LAMB4: variants seen among roughly 807,000 people sequenced by gnomAD.
LAMB4 encodes the protein laminin subunit beta 4.
In LAMB4, 196 loss-of-function variants were observed where a neutral mutation model predicts 199.2. That is an observed-to-expected ratio of 0.98 (90% CI 0.88 to 1.11). The LOEUF (loss-of-function observed/expected upper bound fraction) is 1.11, where lower values mean the gene tolerates loss of function less well. Among genes scored for constraint, LAMB4 ranks in the 50% least tolerant of loss-of-function variants. The pLI, the probability that LAMB4 is intolerant of heterozygous loss-of-function variation, is 0.00. For synonymous variants in LAMB4, 744 were observed against 770.6 expected (o/e 0.97, Z 0.57); for missense variants, 2,080 against 2,171.2 (o/e 0.96, Z 0.83).
intron 17 of LAMB4, among the ~76,000 whole-genome samples, chr7:108,072,797 A>G (rs1185562280): frequency 6.6e-6 from 1 of 152,178 alleles, no homozygotes; most frequent in Non-Finnish European, 1.5e-5. Flanking sequence ...TTACAGGTCT[A>G]CTACTGTATT....
At chr7:108,020,760 T>G (rs1359073296), downstream of LAMB4, among the ~76,000 whole-genome samples, 1 of 152,212 alleles carries the variant, frequency 6.6e-6, no homozygotes, top group Non-Finnish European at 1.5e-5. Context: ...TTCCTTTTTG[T>G]ACCTGTGACT....
chr7:108,064,700 C>G lies in LAMB4; in HGVS notation c.2837-715G>C, dbSNP rs141593334. On this transcript the variant is annotated intron_variant, in intron 21 of 33. Transcript: ENST00000388781. Reference sequence around the variant, plus strand: ...AAACCATGCATTGGGAAAGAGGCTGCAAGGGAAGAGGTGAGAATTAACTGT... The same window carrying G: ...AAACCATGCATTGGGAAAGAGGCTGGAAGGGAAGAGGTGAGAATTAACTGT... Among the ~76,000 whole-genome samples the G allele has an allele frequency of 1.4e-4, 21 of 152,094 alleles. No individual in the cohort carries two copies. The East Asian group carries it at 4.1e-3, about 29-fold the overall frequency.
chr7:108,103,636 G>A (rs1264524260), intron 9 of LAMB4, among the ~76,000 whole-genome samples: 4 of 152,196 alleles, frequency 2.6e-5, no homozygotes, highest in African/African-American at 7.2e-5. Context: ...TAGAGAAGAC[G>A]GCAGAGGAAA....
At chr7:108,020,202 A>G (rs549636548), downstream of LAMB4, among the ~76,000 whole-genome samples, 1 of 152,234 alleles carries the variant, frequency 6.6e-6, no homozygotes, top group Non-Finnish European at 1.5e-5. Context: ...TAAGAAAATG[A>G]TTAGATTGAT....
At position 108,055,645 on chromosome 7, in the gene LAMB4, G is replaced by A; in HGVS notation, c.3742C>T (p.His1248Tyr). ...SGKFLKVKDY[H>Y]DSVRRQIMQL... is the part of the protein sequence containing the mutation. ...CATAAATCTTACCTAACAGAGTCAT[G>A]ATAATCCTTGACTTTTAAGAATTTC... is the stretch of plus-strand genomic sequence containing the variant. Residue 1248 changes from histidine (H) to tyrosine (Y), a missense_variant, in exon 25 of 34, where the codon CAT (histidine) becomes TAT (tyrosine). Transcript: ENST00000388781. The A allele has an allele frequency of 4.3e-6, 7 of 1,613,240 alleles. No homozygotes were observed. Among genetic ancestry groups the A allele is most frequent in the Non-Finnish European group, 4.2e-6 (5 of 1,179,768 alleles).
rs767233569 is a variant in LAMB4, at chr7:108,057,885, C to T, written c.3326G>A (p.Arg1109His). 1.2e-5 allele frequency: 20 copies of T among 1,613,358 alleles called. No homozygotes were observed. The Middle Eastern group carries it at 6.6e-4, about 53-fold the overall frequency. The change falls in exon 24 of 34, where the codon CGT becomes CAT. Residue 1109 changes from arginine (R) to histidine (H), a missense_variant. Arg to His is a conservative substitution (Grantham distance 29). Transcript: ENST00000388781. Reference protein sequence around the residue: ...CPCKLGYGGKRCSECQENYYG... With the variant: ...CPCKLGYGGKHCSECQENYYG... Reference sequence around the variant, plus strand: ...ATAATTTTCCTGGCACTCACTGCAACGTTTCCCGCCGTAACCTAATTTACA... The same window carrying T: ...ATAATTTTCCTGGCACTCACTGCAATGTTTCCCGCCGTAACCTAATTTACA...
chr7:108,071,125 T>C (rs1563065668), intron 17 of LAMB4, among the ~76,000 whole-genome samples: 1 of 146,426 alleles, frequency 6.8e-6, no homozygotes, highest in Non-Finnish European at 1.5e-5. Context: ...TTAAATGTGC[T>C]CAAGTCTCTC....
the LAMB4 span, among the ~76,000 whole-genome samples, chr7:108,016,820 G>A: frequency 1.3e-5 from 2 of 152,156 alleles, no homozygotes; most frequent in Non-Finnish European, 2.9e-5. Context: ...AGTCTTCACT[G>A]TAAGGAAATA....
intron 18 of LAMB4, among the ~76,000 whole-genome samples, chr7:108,068,981 C>T (rs573231078): frequency 1.3e-5 from 2 of 152,162 alleles, no homozygotes; most frequent in South Asian, 2.1e-4. Context: ...CCACCATGCC[C>T]GGTCCCCCTT....
chr7:108,090,880 G>A (rs1209912288), intron 14 of LAMB4, among the ~76,000 whole-genome samples: 1 of 152,006 alleles, frequency 6.6e-6, no homozygotes, highest in African/African-American at 2.4e-5. Context: ...TCCTGCTATG[G>A]TCTTGATCCT....
chr7:108,096,293 A>C (rs1280788951), intron 11 of LAMB4, among the ~76,000 whole-genome samples: 1 of 152,136 alleles, frequency 6.6e-6, no homozygotes, highest in South Asian at 2.1e-4. Context: ...TACTTTGCAT[A>C]ATGTTCTTAA....
intron 2 of LAMB4, 136 bp from the exon 3 acceptor site, chr7:108,116,297 T>A: frequency 2.4e-6 from 2 of 823,478 alleles, no homozygotes; most frequent in Non-Finnish European, 3.5e-6. Context: ...TTAAGTTTAT[T>A]AATAGATGAC....
chr7:108,060,536 G>T (rs1000643763), intron 23 of LAMB4, among the ~76,000 whole-genome samples: 1 of 152,196 alleles, frequency 6.6e-6, no homozygotes, highest in Non-Finnish European at 1.5e-5. Context: ...CTGATTCTAG[G>T]ACTGGGGCAG....
intron 1 of LAMB4, among the ~76,000 whole-genome samples, chr7:108,126,303 G>A (rs537263843): frequency 6.6e-6 from 1 of 152,130 alleles, no homozygotes; most frequent in East Asian, 1.9e-4. Context: ...TTTACATTGT[G>A]TGCAACCGAT....
chr7:108,075,604 A>G (rs995057542), intron 17 of LAMB4: 1 of 152,248 alleles, frequency 6.6e-6, no homozygotes, highest in Non-Finnish European at 1.5e-5. Flanking sequence ...ACACAATTCT[A>G]TATAATTCTG....
chr7:108,011,714 C>T, the LAMB4 span, among the ~76,000 whole-genome samples: 16 of 151,924 alleles, frequency 1.1e-4, no homozygotes, highest in Non-Finnish European at 2.1e-4. Context: ...CCACTGCACT[C>T]GGCCCACTCT....
chr7:108,043,733 A>C lies in LAMB4; in HGVS notation c.4471+19T>G. The stretch of plus-strand genomic sequence containing the variant: ...GGGAAAAAAACAAAAACTAGTCCTA[A>C]TATATATTTTTAAATTACCTAACAA... On this transcript the variant is annotated intron_variant, in intron 29 of 33. Coordinates refer to ENST00000388781, the MANE Select transcript of LAMB4 (RefSeq NM_007356.3). 6.7e-7 allele frequency: 1 copy of C among 1,490,174 alleles called. No homozygotes were observed. Among genetic ancestry groups the C allele is most frequent in the Non-Finnish European group, 9.2e-7 (1 of 1,087,198 alleles). 92.3% of individuals were successfully genotyped at this position (1,490,174 alleles called of 1,614,324 possible).
intron 31 of LAMB4, 63 bp from the exon 32 acceptor site, chr7:108,031,042 G>A (rs1037838144): frequency 2.7e-6 from 4 of 1,455,390 alleles, no homozygotes; most frequent in Admixed American, 1.8e-5. Flanking sequence ...GAAGATAAAC[G>A]ATATATTAAC....
chr7:108,013,956 A>T, the LAMB4 span, among the ~76,000 whole-genome samples: 1 of 152,172 alleles, frequency 6.6e-6, no homozygotes, highest in African/African-American at 2.4e-5. Context: ...GATTCCAATG[A>T]CAAAAAAGTA....
Sources: allele counts gnomAD v4.1 joint callset (sites outside exome capture counted in the v4.1 genomes callset), GRCh38; gene constraint gnomAD v4.1.1; transcripts MANE v1.5; gene names NCBI Gene and HGNC (gene_info 2026-07-23, HGNC 2026-07-21).